The following RBFOX1 variants were observed in gnomAD, a reference collection of about 807,000 sequenced individuals.
The protein encoded by RBFOX1 is RNA binding fox-1 homolog 1, also known as RNA binding protein fox-1 homolog 1.
In RBFOX1, 8 loss-of-function variants were observed where a neutral mutation model predicts 57.7. The observed-to-expected ratio is 0.14, with a 90% CI of 0.08 to 0.25. The LOEUF is 0.25. RBFOX1 is among the 10% of genes least tolerant of loss of function. The pLI is 1.00. For synonymous variants in RBFOX1, 326 were observed against 222.4 expected, an observed-to-expected ratio of 1.47 and a Z score of -4.15; for missense variants, 611 against 548.5, an observed-to-expected ratio of 1.11 and a Z score of -1.14.
chr16:7,113,112 C>A (rs892565554), intron 4 of RBFOX1, among the ~76,000 whole-genome samples: 21 of 152,084 alleles, frequency 1.4e-4, no homozygotes, highest in Non-Finnish European at 2.8e-4. Context: ...GAACCACGGT[C>A]AATTCAAGTT....
intron 4 of RBFOX1, among the ~76,000 whole-genome samples, chr16:7,261,044 A>G (rs191309140): frequency 7.9e-5 from 12 of 152,138 alleles, no homozygotes; most frequent in African/African-American, 2.9e-4. Flanking sequence ...GGCGTCTATG[A>G]CTCCACCTGA....
At chr16:7,300,828 T>C (rs1370666485) in intron 4 of RBFOX1, among the ~76,000 whole-genome samples, 5 of 152,220 alleles carry the variant, frequency 3.3e-5, no homozygotes, top group African/African-American at 1.2e-4. Context: ...GATGACATTA[T>C]TGATTGCCAA....
At position 5,477,403 on chromosome 16, in the gene RBFOX1, A is replaced by G. The variant is rs115565204; in HGVS notation, c.258+10149A>G. Among the ~76,000 whole-genome samples the G allele has an allele frequency of 6.8e-4, 103 of 152,282 alleles. 1 individual carries two copies. The highest frequency in any genetic ancestry group is 2.3e-3 in the African/African-American group (97 of 41,548). On this transcript the variant is annotated intron_variant, in intron 2 of 2. Transcript: ENST00000585867. ...ATGATTATCTCACGACCAATCAAAT[A>G]CCCAAAGAGCTAGGAGAGAAATGCT...
chr16:5,954,856 G>C (rs2059591451), intron 4 of RBFOX1, among the ~76,000 whole-genome samples: 1 of 151,912 alleles, frequency 6.6e-6, no homozygotes, highest in Non-Finnish European at 1.5e-5. Flanking sequence ...GCATTCCCAG[G>C]GTGGACAGGT....
chr16:7,466,580 A>G (rs1358234537), intron 4 of RBFOX1, among the ~76,000 whole-genome samples: 1 of 152,178 alleles, frequency 6.6e-6, no homozygotes, highest in Non-Finnish European at 1.5e-5. Context: ...GGCTCGGAAT[A>G]TTCAGGAAAT....
chr16:6,925,353 G>T (rs2075371996), intron 3 of RBFOX1, among the ~76,000 whole-genome samples: 2 of 151,612 alleles, frequency 1.3e-5, no homozygotes, highest in African/African-American at 2.4e-5. Context: ...TTGAACTCCT[G>T]ACCTCAGGCG....
intron 3 of RBFOX1, among the ~76,000 whole-genome samples, chr16:6,685,495 C>G (rs79059828): frequency 7.1e-6 from 1 of 141,116 alleles, no homozygotes; most frequent in Non-Finnish European, 1.5e-5. Flanking sequence ...GCCGTGTTCG[C>G]CAGGCTGCTG....
At chr16:7,502,549 G>A (rs955361260) in intron 4 of RBFOX1, among the ~76,000 whole-genome samples, 12 of 152,088 alleles carry the variant, frequency 7.9e-5, no homozygotes, top group African/African-American at 2.4e-4. Context: ...TAGAAGATAT[G>A]TTGATTCATG....
intron 3 of RBFOX1, among the ~76,000 whole-genome samples, chr16:5,741,886 A>C (rs943368299): frequency 3.3e-5 from 5 of 152,250 alleles, no homozygotes; most frequent in African/African-American, 1.2e-4. Context: ...CGTATTATGA[A>C]GCCAGACTTT....
chr16:7,144,080 C>G (rs2074400696), intron 4 of RBFOX1, among the ~76,000 whole-genome samples: 1 of 152,064 alleles, frequency 6.6e-6, no homozygotes, highest in Non-Finnish European at 1.5e-5. Context: ...TAGGCTTTTT[C>G]CCTTGGGGGA....
chr16:7,572,019 G>A (rs1378240520), intron 5 of RBFOX1, among the ~76,000 whole-genome samples: 1 of 152,088 alleles, frequency 6.6e-6, no homozygotes, highest in Non-Finnish European at 1.5e-5. Context: ...CCCAGCTACT[G>A]GGGAGGCTGA....
chr16:6,225,019 C>CAA (rs59261521), intron 1 of RBFOX1, among the ~76,000 whole-genome samples: 3 of 76,064 alleles, frequency 3.9e-5, no homozygotes, highest in African/African-American at 1.4e-4. Context: ...AACTCCATCT[C>CAA]AAAAAAAAAA....
intron 1 of RBFOX1, among the ~76,000 whole-genome samples, chr16:5,403,264 C>A (rs1047759712): frequency 1.3e-5 from 2 of 149,270 alleles, no homozygotes; most frequent in Non-Finnish European, 3.0e-5. Context: ...GCAGGAGAAT[C>A]GCTTGAGCCT....
chr16:5,926,687 T>C (rs2058947249), intron 4 of RBFOX1, among the ~76,000 whole-genome samples: 1 of 152,246 alleles, frequency 6.6e-6, no homozygotes, highest in African/African-American at 2.4e-5. Context: ...AGCTGAAGAC[T>C]TGGGGTCTGC....
At chr16:7,085,347 A>G (rs933442189) in intron 4 of RBFOX1, among the ~76,000 whole-genome samples, 16 of 152,080 alleles carry the variant, frequency 1.1e-4, no homozygotes, top group African/African-American at 3.9e-4. Context: ...TTGCTGGATC[A>G]GCCAGTACTT....
At chr16:7,495,387 TACTC>T (rs1173027083) in intron 4 of RBFOX1, among the ~76,000 whole-genome samples, 1 of 152,212 alleles carries the variant, frequency 6.6e-6, no homozygotes, top group Non-Finnish European at 1.5e-5. Context: ...CTTTGAGAAA[TACTC>T]AAACAGCTTT....
intron 2 of RBFOX1, among the ~76,000 whole-genome samples, chr16:5,522,497 C>G (rs2044060487): frequency 1.3e-5 from 2 of 152,116 alleles, no homozygotes; most frequent in African/African-American, 4.8e-5. Flanking sequence ...GGATGGGGTA[C>G]CTAAGATACC....
intron 2 of RBFOX1, among the ~76,000 whole-genome samples, chr16:6,651,062 C>T (rs147945796): frequency 6.6e-6 from 1 of 152,126 alleles, no homozygotes; most frequent in African/African-American, 2.4e-5. Context: ...ACCAACAAGC[C>T]CAGCTAATTC....
In RBFOX1 at chr16:7,332,892, G is replaced by C. The variant is rs1282734618; in HGVS notation, c.28-185255G>C. 5.7e-6 allele frequency: 9 copies of C among 1,568,634 alleles called. No homozygotes were observed. In the African/African-American group the frequency reaches 9.5e-5, roughly 16 times the overall value. Reference sequence around the variant, plus strand: ...GATGAGTGCTTGGCTCCTGACAGAAGGGATTTGGCTCCCAGCTTTGTAGTT... The same window carrying C: ...GATGAGTGCTTGGCTCCTGACAGAACGGATTTGGCTCCCAGCTTTGTAGTT... On this transcript the variant is annotated intron_variant, in intron 4 of 15. Transcript: ENST00000550418.
Sources: allele counts gnomAD v4.1 joint callset (sites outside exome capture counted in the v4.1 genomes callset), GRCh38; gene constraint gnomAD v4.1.1; transcripts MANE v1.5; gene names NCBI Gene and HGNC (gene_info 2026-07-23, HGNC 2026-07-21).